The following PDS5B variants were observed in gnomAD, a reference collection of about 807,000 sequenced individuals.
The protein encoded by PDS5B is sister chromatid cohesion protein PDS5 homolog B.
In PDS5B, 51 loss-of-function variants were observed where a neutral mutation model predicts 184.1. The ratio of observed to expected loss-of-function variants is 0.28; its 90% confidence interval spans 0.22 to 0.35. The LOEUF (loss-of-function observed/expected upper bound fraction) is 0.35, where lower values mean the gene tolerates loss of function less well. PDS5B is among the 10% of genes least tolerant of loss of function. The pLI, the probability that PDS5B is intolerant of heterozygous loss-of-function variation, is 1.00. For missense variants in PDS5B, 1,180 were observed against 1,723.3 expected (o/e 0.68, Z 5.58); for synonymous variants, 566 against 569.2 (o/e 0.99, Z 0.08).
chr13:32,771,021 G>T, intron 33 of PDS5B: 3 of 342,108 alleles, frequency 8.8e-6, no homozygotes, highest in South Asian at 6.9e-5. Context: ...GATATCTAAA[G>T]AAATCATAAG....
At chr13:32,717,895 C>CCCCA (rs1240397730) in intron 19 of PDS5B, among the ~76,000 whole-genome samples, 1 of 68,780 alleles carries the variant, frequency 1.5e-5, no homozygotes, top group Non-Finnish European at 3.1e-5. Flanking sequence ...AAGATATCCT[C>CCCCA]CCCACCCACC....
intron 7 of PDS5B, 128 bp downstream of exon 7, chr13:32,667,972 G>A: frequency 4.3e-6 from 2 of 460,932 alleles, no homozygotes; most frequent in Non-Finnish European, 7.8e-6. Flanking sequence ...TAACCCTTAA[G>A]TAATATATTT....
chr13:32,666,462 A>G (rs1019403245), intron 6 of PDS5B, among the ~76,000 whole-genome samples: 1 of 152,182 alleles, frequency 6.6e-6, no homozygotes, highest in African/African-American at 2.4e-5. Context: ...GAAGATTTGT[A>G]ATGTTCCCAG....
intron 21 of PDS5B, among the ~76,000 whole-genome samples, chr13:32,735,584 T>G (rs941904797): frequency 1.3e-5 from 2 of 152,190 alleles, no homozygotes; most frequent in African/African-American, 2.4e-5. Context: ...ATGCTATCTA[T>G]TTCAGATTTA....
chr13:32,756,293 A>G (rs774105960), intron 26 of PDS5B, among the ~76,000 whole-genome samples: 10 of 152,008 alleles, frequency 6.6e-5, no homozygotes, highest in Non-Finnish European at 8.8e-5. Flanking sequence ...TGTGAGGTCA[A>G]TTAATCATCT....
intron 1 of PDS5B, among the ~76,000 whole-genome samples, chr13:32,606,916 G>A (rs867958167): frequency 2.0e-5 from 3 of 152,258 alleles, no homozygotes; most frequent in Middle Eastern, 6.8e-3. Flanking sequence ...CAGTCCATCA[G>A]GTCATTTAAG....
intron 19 of PDS5B, among the ~76,000 whole-genome samples, chr13:32,716,265 T>C (rs539866577): frequency 2.6e-5 from 4 of 151,282 alleles, no homozygotes; most frequent in Non-Finnish European, 5.9e-5. Context: ...GGAGTGTCTC[T>C]GCCTGGCCTC....
chr13:32,694,996 C>T (rs947451736), intron 14 of PDS5B, among the ~76,000 whole-genome samples: 2 of 151,668 alleles, frequency 1.3e-5, no homozygotes, highest in African/African-American at 4.8e-5. Context: ...TCTCAATCTC[C>T]CTTCCACACA....
chr13:32,730,681 C>G (rs1840791807), intron 19 of PDS5B, among the ~76,000 whole-genome samples: 1 of 151,976 alleles, frequency 6.6e-6, no homozygotes, highest in South Asian at 2.1e-4. Context: ...AAGTTGTATT[C>G]CTAGGTATTT....
In PDS5B at chr13:32,701,308, T is replaced by A; in HGVS notation, c.1741-15T>A. 1 of 1,289,538 alleles carries A rather than the reference T, an allele frequency of 7.8e-7. No individual in the cohort carries two copies. Among genetic ancestry groups the A allele is most frequent in the Non-Finnish European group, 1.1e-6 (1 of 895,464 alleles). 79.9% of individuals were successfully genotyped at this position (1,289,538 alleles called of 1,614,324 possible). A position where few individuals can be genotyped will look rare whatever the true frequency, so the allele number is the denominator to read the frequency against. On this transcript the variant is annotated splice_polypyrimidine_tract_variant and intron_variant, in intron 16 of 34. Transcript: ENST00000315596. ...TAAATGTACTTTTGTAATACTGAAA[T>A]AATCTGTATTACAGCGTGAAATAAC...
intron 1 of PDS5B, among the ~76,000 whole-genome samples, chr13:32,647,125 C>T (rs1950247951): frequency 6.6e-6 from 1 of 152,184 alleles, no homozygotes; most frequent in African/African-American, 2.4e-5. Context: ...CTGCTTCAAT[C>T]TAGTCCTTCT....
At chr13:32,598,387 TA>T (rs112490924) in intron 1 of PDS5B, among the ~76,000 whole-genome samples, 2,459 of 152,270 alleles carry the variant, frequency 0.016, 86 homozygotes, top group African/African-American at 0.055. Flanking sequence ...TTTTTATTTT[TA>T]AATTATGAAT....
intron 9 of PDS5B, among the ~76,000 whole-genome samples, chr13:32,678,263 A>G: frequency 6.6e-6 from 1 of 152,350 alleles, no homozygotes; most frequent in East Asian, 1.9e-4. Flanking sequence ...TTTTAGGGAT[A>G]CATACATATT....
At chr13:32,675,812 G>T (rs759272144) in intron 8 of PDS5B, 32 bp from the exon 9 acceptor site, 1 of 1,315,044 alleles carries the variant, frequency 7.6e-7, no homozygotes, top group Non-Finnish European at 1.1e-6. Context: ...TCTACTGCAT[G>T]GTTTTAAAGC....
chr13:32,755,828 GT>G lies in PDS5B; in HGVS notation c.2942-10del. The G allele has an allele frequency of 1.9e-6, 2 of 1,067,772 alleles. No homozygotes were observed. Among genetic ancestry groups the G allele is most frequent in the Non-Finnish European group, 2.7e-6 (2 of 740,116 alleles). The allele number at this position is 1,067,772 out of a possible 1,614,324, so 66.1% of individuals were successfully genotyped here. ...TTTGTTTTTTTTTGTTTGTTTGTTTGTTTTCTTTTTCAGAAAAATTATTGTC... is the reference window on the plus strand; with the variant it reads ...TTTGTTTTTTTTTGTTTGTTTGTTTGTTTCTTTTTCAGAAAAATTATTGTC... On this transcript the variant is annotated splice_polypyrimidine_tract_variant and intron_variant, in intron 25 of 34. Transcript: ENST00000315596.
intron 25 of PDS5B, 29 bp downstream of exon 25, chr13:32,753,565 C>T (rs1175341607): frequency 6.8e-7 from 1 of 1,468,468 alleles, no homozygotes; most frequent in East Asian, 2.3e-5. Context: ...GGAAAGGATA[C>T]TTTTTCAGCC....
At chr13:32,758,355 C>A in intron 27 of PDS5B, 136 bp downstream of exon 27, 1 of 941,648 alleles carries the variant, frequency 1.1e-6, no homozygotes, top group South Asian at 2.1e-5. Context: ...GTAGAATTAG[C>A]AGTAATTTTA....
At chr13:32,715,130 A>C (rs867513252) in intron 19 of PDS5B, among the ~76,000 whole-genome samples, 1 of 152,216 alleles carries the variant, frequency 6.6e-6, no homozygotes. Context: ...AGGTCAGCGC[A>C]GTGGAAAATA....
chr13:32,691,803 G>A (rs923157463), intron 13 of PDS5B, among the ~76,000 whole-genome samples: 1 of 152,034 alleles, frequency 6.6e-6, no homozygotes, highest in African/African-American at 2.4e-5. Flanking sequence ...GATTATACTA[G>A]TTTATACTCC....
Sources: gnomAD v4.1 joint callset for allele counts (sites outside exome capture counted in the v4.1 genomes callset) on GRCh38, gnomAD v4.1.1 for gene constraint, MANE v1.5 for transcripts, NCBI Gene and HGNC (gene_info 2026-07-23, HGNC 2026-07-21) for gene names.